NUDT14: variants seen among roughly 807,000 people sequenced by gnomAD.
The protein encoded by NUDT14 is uridine diphosphate glucose pyrophosphatase NUDT14.
Under a neutral mutation model 17.5 loss-of-function variants are expected in NUDT14, and 22 were observed. The ratio of observed to expected loss-of-function variants is 1.26; its 90% CI spans 0.90 to 1.80. The LOEUF (loss-of-function observed/expected upper bound fraction) is 1.80. Among genes scored for constraint, NUDT14 ranks in the 40% most tolerant of loss-of-function variants. NUDT14 has a pLI of 0.00. For synonymous variants in NUDT14, 129 were observed against 125.8 expected (o/e 1.03, Z -0.17); for missense variants, 296 against 295.6 (o/e 1.00, Z -0.01).
chr14:105,173,165 C>T lies in NUDT14; in HGVS notation c.525G>A (p.Glu175=), dbSNP rs772275576. Residue 175 remains glutamate (E), a synonymous_variant, in exon 5 of 5, where the codon GAG becomes GAA. Coordinates refer to ENST00000392568, the MANE Select transcript of NUDT14 (RefSeq NM_177533.5). This position sits in a 1 kb window ranked among gnomAD's most constrained non-coding sequence, Gnocchi z 4.7. ...RSGPGGGLVE[E]GELIEVVHLP... ...GGTGCACCACCTCAATGAGCTCACC[C>T]TCCTCCACCAGGCCCCCACCTGGAC... 4.3e-6 allele frequency: 7 copies of T among 1,610,788 alleles called. No individual in the cohort carries two copies. The African/African-American group carries it at 9.4e-5, about 22-fold the overall frequency.
chr14:105,179,849 G>A (rs914022835), intron 1 of NUDT14, among the ~76,000 whole-genome samples: 1 of 152,214 alleles, frequency 6.6e-6, no homozygotes, highest in Admixed American at 6.5e-5. Context: ...TCAGGCTGGG[G>A]GCCAAGAGGG....
chr14:105,172,952 G>C lies in NUDT14; in HGVS notation c.*69C>G. ...GCAGGCAGAAGCTGGAGCTATGCAAGCCTTTATTGGGGTCCGCGGGGTGTG... is the reference window on the plus strand; with the variant it reads ...GCAGGCAGAAGCTGGAGCTATGCAACCCTTTATTGGGGTCCGCGGGGTGTG... On this transcript the variant is annotated 3_prime_UTR_variant, in exon 5 of 5. Coordinates refer to ENST00000392568, the MANE Select transcript of NUDT14 (RefSeq NM_177533.5). 7.1e-7 allele frequency: 1 copy of C among 1,408,084 alleles called. No homozygotes were observed. Among genetic ancestry groups the C allele is most frequent in the Non-Finnish European group, 9.3e-7 (1 of 1,074,452 alleles). The allele number at this position is 1,408,084 out of a possible 1,614,324, so 87.2% of individuals were successfully genotyped here. A position where few individuals can be genotyped will look rare whatever the true frequency, so the allele number is the denominator to read the frequency against.
intron 1 of NUDT14, among the ~76,000 whole-genome samples, chr14:105,179,372 G>A (rs143784173): frequency 2.6e-5 from 4 of 152,306 alleles, no homozygotes; most frequent in Admixed American, 6.5e-5. Context: ...GGCAGCCAGC[G>A]TCCAGCCCAA....
chr14:105,178,645 T>C (rs1427540917), intron 1 of NUDT14, among the ~76,000 whole-genome samples: 1 of 152,102 alleles, frequency 6.6e-6, no homozygotes, highest in African/African-American at 2.4e-5. Flanking sequence ...CATCTGCCAC[T>C]CTGAGGCCCA....
rs148366383 is a variant in NUDT14, at chr14:105,175,123, T to C, written c.428+1411A>G. Among the ~76,000 whole-genome samples the C allele has an allele frequency of 1.2e-4, 19 of 152,276 alleles. No homozygotes were observed. In the South Asian group the frequency reaches 2.5e-3, roughly 20 times the overall value. On this transcript the variant is annotated intron_variant, in intron 4 of 4. Transcript: ENST00000392568. ...GGCTGTGGCCCAGAGGCTGTACCAG[T>C]AGAACCACCGCGGCCAGGGCTGCTT...
chr14:105,176,251 A>C (rs587616933), intron 4 of NUDT14, among the ~76,000 whole-genome samples: 1 of 152,240 alleles, frequency 6.6e-6, no homozygotes, highest in Non-Finnish European at 1.5e-5. Context: ...TTAATCCTAC[A>C]GGAAGTAGAG....
Position 105,177,675 on chromosome 14 carries a change from C to A in NUDT14, c.125+17G>T. 1 of 1,611,850 alleles carries A rather than the reference C, an allele frequency of 6.2e-7. No individual in the cohort carries two copies. The highest frequency in any genetic ancestry group is 8.5e-7 in the Non-Finnish European group (1 of 1,179,324). On this transcript the variant is annotated intron_variant, in intron 2 of 4. Coordinates refer to ENST00000392568, the MANE Select transcript of NUDT14 (RefSeq NM_177533.5). ...GTCTGGGGCTTCCCCAGTGGCCAGG[C>A]TGGGCCAGGCTCTCACCTGTCATGC...
At chr14:105,180,761 C>T (rs940967444) in intron 1 of NUDT14, among the ~76,000 whole-genome samples, 2 of 152,192 alleles carry the variant, frequency 1.3e-5, no homozygotes, top group African/African-American at 4.8e-5. Context: ...GCTATCTCCT[C>T]CTTCAAGTGG....
At chr14:105,175,252 G>A (rs587766546) in intron 4 of NUDT14, among the ~76,000 whole-genome samples, 51 of 152,316 alleles carry the variant, frequency 3.3e-4, no homozygotes, top group African/African-American at 1.2e-3. Context: ...CATGCCTCCC[G>A]GCTGTGCTCA....
Position 105,181,084 on chromosome 14 carries a change from C to A in NUDT14, c.81+45G>T, listed in dbSNP as rs1471207785. ...GGTGGGCGGGGCGCGGGTCGTGGGC[C>A]GGGCCGCCGGCGGGGGCGCGGGGGA... On this transcript the variant is annotated intron_variant, in intron 1 of 4. Coordinates refer to ENST00000392568, the MANE Select transcript of NUDT14 (RefSeq NM_177533.5). The surrounding 1 kb of genome is among the most constrained non-coding windows in gnomAD (Gnocchi z 5.0). The A allele has an allele frequency of 6.2e-6, 4 of 642,258 alleles. No individual in the cohort carries two copies. The highest frequency in any genetic ancestry group is 1.1e-4 in the East Asian group (1 of 9,226). 39.8% of individuals were successfully genotyped at this position (642,258 alleles called of 1,614,324 possible).
At chr14:105,178,453 G>A (rs1049640656) in intron 1 of NUDT14, among the ~76,000 whole-genome samples, 1 of 152,116 alleles carries the variant, frequency 6.6e-6, no homozygotes, top group Admixed American at 6.5e-5. Flanking sequence ...CCCACACTGG[G>A]CACACCACCC....
chr14:105,175,831 C>T, intron 4 of NUDT14: 1 of 1,042,070 alleles, frequency 9.6e-7, no homozygotes, highest in Non-Finnish European at 1.2e-6. Flanking sequence ...GCCAGGCTGA[C>T]AGGTGCAGAG....
intron 3 of NUDT14, 37 bp from the exon 4 acceptor site, chr14:105,176,808 G>A (rs373243656): frequency 1.1e-5 from 18 of 1,595,936 alleles, no homozygotes; most frequent in African/African-American, 8.0e-5. Flanking sequence ...TCACAGCCAC[G>A]TGGTGGCCAC....
In NUDT14 at chr14:105,177,710, A is replaced by G. The variant is rs757590724; in HGVS notation, c.107T>C (p.Phe36Ser). The change falls in exon 2 of 5, where the codon TTC (phenylalanine) becomes TCC (serine). Residue 36 changes from phenylalanine to serine, a missense_variant. Phe to Ser is a radical substitution (Grantham distance 155). Transcript: ENST00000392568. Reference protein sequence around the residue: ...RQNGAQKSWDFMKTHDSVTVL... With the variant: ...RQNGAQKSWDSMKTHDSVTVL... The stretch of plus-strand genomic sequence containing the variant: ...CTCTCACCTGTCATGCGTCTTCATG[A>G]AGTCCCAGGACTTCTGGGCACCATT... 5 of 1,612,278 alleles carry G rather than the reference A, an allele frequency of 3.1e-6. No individual in the cohort carries two copies. Among genetic ancestry groups the G allele is most frequent in the Non-Finnish European group, 4.2e-6 (5 of 1,179,732 alleles).
chr14:105,178,959 C>T (rs911072070), intron 1 of NUDT14, among the ~76,000 whole-genome samples: 1 of 152,214 alleles, frequency 6.6e-6, no homozygotes, highest in South Asian at 2.1e-4. Context: ...GTACCACTCC[C>T]GGGAGGCGAC....
intron 1 of NUDT14, among the ~76,000 whole-genome samples, chr14:105,179,509 C>T (rs970189247): frequency 3.9e-5 from 6 of 152,342 alleles, no homozygotes; most frequent in South Asian, 2.1e-4. Context: ...GCGGGCTGCC[C>T]GCTGAGGCTG....
At position 105,173,027 on chromosome 14, in the gene NUDT14, G is replaced by C. The variant is rs2141005265; in HGVS notation, c.663C>G (p.Leu221=). 1 of 1,510,642 alleles carries C rather than the reference G, an allele frequency of 6.6e-7. No individual in the cohort carries two copies. Among genetic ancestry groups the C allele is most frequent in the Non-Finnish European group, 8.8e-7 (1 of 1,130,176 alleles). 93.6% of individuals were successfully genotyped at this position (1,510,642 alleles called of 1,614,324 possible). ...FLSQVAPNLD[L]Q is the part of the protein sequence containing the mutation. ...TGTCTAGAACCCTGGAGTCTCACTG[G>C]AGATCCAGGTTGGGGGCCACCTGGC... The change falls in exon 5 of 5, where the codon CTC becomes CTG. Residue 221 remains leucine (L), a synonymous_variant. Coordinates refer to ENST00000392568, the MANE Select transcript of NUDT14 (RefSeq NM_177533.5). The surrounding 1 kb of genome is among the most constrained non-coding windows in gnomAD (Gnocchi z 4.7).
intron 4 of NUDT14, among the ~76,000 whole-genome samples, chr14:105,174,234 G>T (rs1022878883): frequency 6.6e-6 from 1 of 152,122 alleles, no homozygotes; most frequent in Non-Finnish European, 1.5e-5. Context: ...AGCCTGGACT[G>T]GCGTGTGTGG....
At chr14:105,175,996 G>A in intron 4 of NUDT14, 1 of 1,270,532 alleles carries the variant, frequency 7.9e-7, no homozygotes, top group Non-Finnish European at 1.0e-6. Context: ...CCCTGGGGAA[G>A]TGGATGGGCT....
Sources: allele counts gnomAD v4.1 joint callset (sites outside exome capture counted in the v4.1 genomes callset), GRCh38; gene constraint gnomAD v4.1.1; non-coding constraint Gnocchi (gnomAD v3.1); transcripts MANE v1.5; gene names NCBI Gene and HGNC (gene_info 2026-07-23, HGNC 2026-07-21).